The following MKLN1 variants were observed in gnomAD, a reference collection of about 807,000 sequenced individuals.
MKLN1 encodes muskelin.
In MKLN1, 18 loss-of-function variants were observed where a neutral mutation model predicts 99.0. The observed-to-expected ratio is 0.18, with a 90% CI of 0.13 to 0.27. The LOEUF (loss-of-function observed/expected upper bound fraction) is 0.27. MKLN1 is among the 10% of genes least tolerant of loss of function. MKLN1 has a pLI of 1.00. For missense variants in MKLN1, 621 were observed against 875.9 expected, an observed-to-expected ratio of 0.71 and a Z score of 3.67; for synonymous variants, 288 against 293.2, an observed-to-expected ratio of 0.98 and a Z score of 0.18.
intron 3 of MKLN1, among the ~76,000 whole-genome samples, chr7:131,258,147 CTT>C (rs34365316): frequency 1.2e-4 from 18 of 145,580 alleles, no homozygotes; most frequent in Non-Finnish European, 2.3e-4. Flanking sequence ...AAAAAAGCTC[CTT>C]TTTTTTTTGA....
At chr7:131,358,668 T>G (rs779443595) in intron 1 of MKLN1, among the ~76,000 whole-genome samples, 14 of 152,318 alleles carry the variant, frequency 9.2e-5, no homozygotes, top group Non-Finnish European at 1.9e-4. Context: ...CCTGGAGATT[T>G]TCTTTTTGGA....
At chr7:131,227,403 T>C (rs1330111604) in intron 3 of MKLN1, among the ~76,000 whole-genome samples, 1 of 151,534 alleles carries the variant, frequency 6.6e-6, no homozygotes, top group African/African-American at 2.4e-5. Context: ...CTTTCTCTCT[T>C]TCTTTCCCTC....
At chr7:131,337,409 C>T (rs1281760041) in intron 1 of MKLN1, among the ~76,000 whole-genome samples, 3 of 152,014 alleles carry the variant, frequency 2.0e-5, no homozygotes, top group Non-Finnish European at 4.4e-5. Context: ...TTTTTTCCTC[C>T]TCTTATCCGT....
intron 3 of MKLN1, among the ~76,000 whole-genome samples, chr7:131,215,280 A>G (rs1796963857): frequency 6.6e-6 from 1 of 152,012 alleles, no homozygotes; most frequent in Non-Finnish European, 1.5e-5. Flanking sequence ...CCTCCTAACC[A>G]TAAGTGATCC....
At position 131,411,398 on chromosome 7, in the gene MKLN1, C is replaced by A; in HGVS notation, c.781+15C>A. On this transcript the variant is annotated intron_variant, in intron 7 of 17. Coordinates refer to ENST00000352689, the MANE Select transcript of MKLN1 (RefSeq NM_013255.5). ...AAGTACCAAAGGTAAGCCATACCTT[C>A]TAGATTGTAGTTCTTTTTCATTAAT... 1.3e-6 allele frequency: 2 copies of A among 1,537,802 alleles called. No individual in the cohort carries two copies. The highest frequency in any genetic ancestry group is 1.8e-6 in the Non-Finnish European group (2 of 1,110,744).
At chr7:131,114,615 ACAT>A (rs1460324872) in intron 1 of MKLN1, among the ~76,000 whole-genome samples, 6 of 152,194 alleles carry the variant, frequency 3.9e-5, no homozygotes, top group Non-Finnish European at 7.3e-5. Flanking sequence ...AGGGGAGGAA[ACAT>A]CAGCAGTATT....
At chr7:131,402,647 C>T (rs985412747) in intron 6 of MKLN1, among the ~76,000 whole-genome samples, 1 of 152,170 alleles carries the variant, frequency 6.6e-6, no homozygotes, top group Admixed American at 6.5e-5. Flanking sequence ...CTAAATGACT[C>T]CTTGATTCAT....
intron 3 of MKLN1, among the ~76,000 whole-genome samples, chr7:131,287,129 A>G (rs1415328341): frequency 6.6e-6 from 1 of 152,218 alleles, no homozygotes; most frequent in Non-Finnish European, 1.5e-5. Flanking sequence ...AAAGTACCAA[A>G]GGGAATATAA....
At chr7:131,466,919 ACACACG>A (rs767927744) in intron 15 of MKLN1, among the ~76,000 whole-genome samples, 18 of 150,284 alleles carry the variant, frequency 1.2e-4, no homozygotes, top group East Asian at 2.0e-4. Flanking sequence ...ACACACACAC[ACACACG>A]CGCGCGCGCG....
intron 3 of MKLN1, among the ~76,000 whole-genome samples, chr7:131,233,820 A>G (rs1014277191): frequency 3.3e-5 from 5 of 152,126 alleles, no homozygotes; most frequent in African/African-American, 1.2e-4. Context: ...TGAGAAGAAA[A>G]ACAACAAAAA....
At chr7:131,461,689 A>G (rs1234202186) in intron 12 of MKLN1, among the ~76,000 whole-genome samples, 1 of 152,176 alleles carries the variant, frequency 6.6e-6, no homozygotes, top group Non-Finnish European at 1.5e-5. Flanking sequence ...TAAATATTTC[A>G]CTTCAATCTG....
chr7:131,335,643 T>C (rs979667432), intron 1 of MKLN1, among the ~76,000 whole-genome samples: 1 of 152,042 alleles, frequency 6.6e-6, no homozygotes, highest in African/African-American at 2.4e-5. Context: ...TCATTATCAT[T>C]TATGCAAAAA....
intron 2 of MKLN1, among the ~76,000 whole-genome samples, chr7:131,191,023 T>C (rs1418580562): frequency 6.6e-6 from 1 of 152,220 alleles, no homozygotes; most frequent in African/African-American, 2.4e-5. Context: ...CAGGTGACGC[T>C]GATGCTGCCC....
intron 3 of MKLN1, among the ~76,000 whole-genome samples, chr7:131,285,957 CTT>C (rs1554546958): frequency 1.4e-4 from 16 of 117,670 alleles, no homozygotes; most frequent in South Asian, 2.7e-4. Flanking sequence ...CATCTATGGA[CTT>C]TTTTTTTTTT....
At chr7:131,242,292 T>G (rs893682096) in intron 3 of MKLN1, among the ~76,000 whole-genome samples, 1 of 152,052 alleles carries the variant, frequency 6.6e-6, no homozygotes, top group African/African-American at 2.4e-5. Context: ...TCCCAGCAAT[T>G]TGGGAGGCTA....
intron 6 of MKLN1, among the ~76,000 whole-genome samples, chr7:131,408,530 G>C (rs1260276324): frequency 6.6e-6 from 1 of 151,832 alleles, no homozygotes; most frequent in African/African-American, 2.4e-5. Context: ...GGATTTTTTT[G>C]GTTTTGTTTT....
chr7:131,245,383 T>C (rs1297837849), intron 3 of MKLN1, among the ~76,000 whole-genome samples: 1 of 149,068 alleles, frequency 6.7e-6, no homozygotes, highest in Non-Finnish European at 1.5e-5. Context: ...TTCTCCTACC[T>C]CAGCCTCCCG....
At chr7:131,160,257 T>C (rs1350591389) in intron 2 of MKLN1, among the ~76,000 whole-genome samples, 1 of 152,106 alleles carries the variant, frequency 6.6e-6, no homozygotes, top group Non-Finnish European at 1.5e-5. Flanking sequence ...TCATTCCTTG[T>C]TGTGGCTGAA....
intron 16 of MKLN1, among the ~76,000 whole-genome samples, chr7:131,476,612 GAT>G (rs1409795450): frequency 6.6e-6 from 1 of 152,174 alleles, no homozygotes; most frequent in African/African-American, 2.4e-5. Context: ...TAAATGGAGA[GAT>G]ATATTTATGG....
Sources: allele counts gnomAD v4.1 joint callset (sites outside exome capture counted in the v4.1 genomes callset), GRCh38; gene constraint gnomAD v4.1.1; transcripts MANE v1.5; gene names NCBI Gene and HGNC (gene_info 2026-07-23, HGNC 2026-07-21).